The following ELAVL4 variants were observed in gnomAD, a reference collection of about 807,000 sequenced individuals.
ELAVL4 encodes ELAV like RNA binding protein 4.
ELAVL4 carries 1 observed loss-of-function variant against 35.6 expected under a neutral mutation model. The observed-to-expected ratio is 0.03, with a 90% CI of 0.01 to 0.13. ELAVL4 has a LOEUF of 0.13. Among genes scored for constraint, ELAVL4 ranks in the 10% least tolerant of loss-of-function variants. ELAVL4 has a pLI of 1.00. For synonymous variants in ELAVL4, 156 were observed against 171.0 expected (o/e 0.91, Z 0.69); for missense variants, 267 against 464.9 (o/e 0.57, Z 3.91).
At chr1:50,088,743 C>T (rs1172624902) in intron 1 of ELAVL4, among the ~76,000 whole-genome samples, 1 of 152,132 alleles carries the variant, frequency 6.6e-6, no homozygotes, top group African/African-American at 2.4e-5. Context: ...GATAGACAGG[C>T]TCCTTCAATC....
At chr1:50,096,798 C>A (rs1242772764) in intron 1 of ELAVL4, among the ~76,000 whole-genome samples, 1 of 151,998 alleles carries the variant, frequency 6.6e-6, no homozygotes, top group Non-Finnish European at 1.5e-5. Flanking sequence ...TATTGTTGTC[C>A]CCAGTTTAAA....
At chr1:50,184,716 CAG>C (rs1014452555) in intron 3 of ELAVL4, among the ~76,000 whole-genome samples, 2 of 152,110 alleles carry the variant, frequency 1.3e-5, no homozygotes, top group African/African-American at 4.8e-5. Flanking sequence ...GTGTAGCTAT[CAG>C]AGTAGAATGT....
intron 1 of ELAVL4, among the ~76,000 whole-genome samples, chr1:50,076,594 G>A (rs1053488229): frequency 5.3e-5 from 8 of 152,164 alleles, no homozygotes; most frequent in African/African-American, 1.9e-4. Flanking sequence ...TGTAGTGTGA[G>A]CAGGCTTGCA....
rs11205677 is a variant in ELAVL4, at chr1:50,066,102, A to G, written c.18+17920A>G. On this transcript the variant is annotated intron_variant, in intron 1 of 6. Transcript: ENST00000448907. ...TCTGCAAAGTCACATTGCAAAGGGC[A>G]TAGTTATAGGTAAAGATTGTGCTAG... 4.0e-3 allele frequency among the ~76,000 whole-genome samples: 608 copies of G among 152,290 alleles called. 9 individuals carry two copies. Among genetic ancestry groups the G allele is most frequent in the African/African-American group, 0.014 (573 of 41,572 alleles).
chr1:50,179,172 C>G (rs770295260), intron 3 of ELAVL4, among the ~76,000 whole-genome samples: 1 of 152,068 alleles, frequency 6.6e-6, no homozygotes, highest in South Asian at 2.1e-4. Context: ...TTTCCCCACC[C>G]CCTCACCCAC....
intron 1 of ELAVL4, among the ~76,000 whole-genome samples, chr1:50,053,856 G>T (rs1481707450): frequency 6.6e-6 from 1 of 152,188 alleles, no homozygotes; most frequent in Non-Finnish European, 1.5e-5. Flanking sequence ...GATAAAGAGG[G>T]ATAAGGATTC....
At position 50,062,093 on chromosome 1, in the gene ELAVL4, C is replaced by T. The variant is rs141924850; in HGVS notation, c.18+13911C>T. Reference sequence around the variant, plus strand: ...TTTAACCATTATGGTATGTTGCCTTCCCTTTCTGAAGTTCATGTTCATCCA... The same window carrying T: ...TTTAACCATTATGGTATGTTGCCTTTCCTTTCTGAAGTTCATGTTCATCCA... On this transcript the variant is annotated intron_variant, in intron 1 of 6. Transcript: ENST00000448907. Among the ~76,000 whole-genome samples the T allele has an allele frequency of 2.4e-3, 365 of 152,262 alleles. 4 individuals are homozygous for T. Among genetic ancestry groups the T allele is most frequent in the African/African-American group, 8.5e-3 (352 of 41,558 alleles).
chr1:50,074,521 C>T (rs968066417), intron 1 of ELAVL4, among the ~76,000 whole-genome samples: 57 of 152,084 alleles, frequency 3.7e-4, no homozygotes, highest in African/African-American at 1.3e-3. Flanking sequence ...ATTATATGTC[C>T]GGTTTTGTAT....
Position 50,195,626 on chromosome 1 carries a change from G to A in ELAVL4, c.574G>A (p.Gly192Arg), listed in dbSNP as rs1259386502. 3 of 1,614,046 alleles carry A rather than the reference G, an allele frequency of 1.9e-6. No homozygotes were observed. The Admixed American group carries it at 5.0e-5, about 27-fold the overall frequency. Residue 192 changes from glycine to arginine, a missense_variant, in exon 5 of 7, where the codon GGG becomes AGG. By Grantham distance (125) the Gly-to-Arg change is moderately radical. Around this residue, in one of 2 missense-constraint regions of ELAVL4, gnomAD observed 216 missense variants for 409.5 expected, o/e 0.53. Coordinates refer to ENST00000371824, the MANE Select transcript of ELAVL4 (RefSeq NM_001144774.3). The stretch of plus-strand genomic sequence containing the variant: ...GATTGAGGCAGAAGAAGCCATCAAA[G>A]GGCTGAATGGCCAGAAGCCCAGCGG... ...KRIEAEEAIK[G>R]LNGQKPSGAT...
chr1:50,081,257 A>G (rs995276539), intron 1 of ELAVL4, among the ~76,000 whole-genome samples: 1 of 152,226 alleles, frequency 6.6e-6, no homozygotes, highest in African/African-American at 2.4e-5. Flanking sequence ...GTGGCAAGGC[A>G]TGCCCCAAAC....
chr1:50,081,754 G>A (rs548284195), intron 1 of ELAVL4, among the ~76,000 whole-genome samples: 16 of 152,230 alleles, frequency 1.1e-4, no homozygotes, highest in Admixed American at 3.9e-4. Context: ...AGGTATACAC[G>A]TGCTATGGTG....
chr1:50,197,011 T>C lies in ELAVL4; in HGVS notation c.735-418T>C, dbSNP rs141367279. Among the ~76,000 whole-genome samples, 288 of 152,356 alleles carry C rather than the reference T, an allele frequency of 1.9e-3. 1 individual carries two copies. Among genetic ancestry groups the C allele is most frequent in the Middle Eastern group, 6.8e-3 (2 of 294 alleles). On this transcript the variant is annotated intron_variant, in intron 5 of 6. Transcript: ENST00000371824. Reference sequence around the variant, plus strand: ...AGCAAGGCTAACAGAAAAGATCTGTTCTGATACATATTGTGTGCCTGTGTA... The same window carrying C: ...AGCAAGGCTAACAGAAAAGATCTGTCCTGATACATATTGTGTGCCTGTGTA...
intron 1 of ELAVL4, among the ~76,000 whole-genome samples, chr1:50,077,306 G>C (rs1664806430): frequency 6.6e-6 from 1 of 152,208 alleles, no homozygotes; most frequent in African/African-American, 2.4e-5. Flanking sequence ...TATAGTTTTA[G>C]TACAGATGCT....
rs761603638 is a variant in ELAVL4, at chr1:50,108,920, G to C, written c.-270G>C. ...AATGGATGTAAAAAGGGGAAGCTTC[G>C]AGCCAATTTCAGCAAGGCTCTGTTC... On this transcript the variant is annotated 5_prime_UTR_variant, in exon 1 of 7. Transcript: ENST00000371824. The C allele has an allele frequency of 1.8e-6, 2 of 1,108,144 alleles. No individual in the cohort carries two copies. The highest frequency in any genetic ancestry group is 1.6e-5 in the African/African-American group (1 of 61,276). The allele number at this position is 1,108,144 out of a possible 1,614,324, so 68.6% of individuals were successfully genotyped here.
At chr1:50,116,413 CGTGTGT>C (rs753845198) in intron 1 of ELAVL4, among the ~76,000 whole-genome samples, 19 of 143,376 alleles carry the variant, frequency 1.3e-4, no homozygotes, top group South Asian at 6.6e-4. Flanking sequence ...TGTGTGTGTG[CGTGTGT>C]GTGTGTGTGT....
Position 50,202,128 on chromosome 1 carries a change from T to C in ELAVL4, c.*950T>C, listed in dbSNP as rs1213014642. On this transcript the variant is annotated 3_prime_UTR_variant, in exon 7 of 7. Transcript: ENST00000371824. ...GATCTTCATATCTTTTCATAGCATGTAATAATAATTAAAAAACAATTATTA... is the reference window on the plus strand; with the variant it reads ...GATCTTCATATCTTTTCATAGCATGCAATAATAATTAAAAAACAATTATTA... The C allele has an allele frequency of 6.6e-6, 1 of 152,130 alleles. No individual in the cohort carries two copies. The highest frequency in any genetic ancestry group is 1.5e-5 in the Non-Finnish European group (1 of 68,008). The allele number at this position is 152,130 out of a possible 1,614,324, so 9.4% of individuals were successfully genotyped here.
intron 1 of ELAVL4, among the ~76,000 whole-genome samples, chr1:50,048,386 A>T (rs1407438594): frequency 1.3e-5 from 2 of 152,108 alleles, no homozygotes; most frequent in African/African-American, 4.8e-5. Context: ...CCCCACCCGC[A>T]GCCCATCTGG....
At chr1:50,147,313 G>A (rs893581625) in intron 2 of ELAVL4, among the ~76,000 whole-genome samples, 3 of 152,200 alleles carry the variant, frequency 2.0e-5, no homozygotes, top group South Asian at 4.1e-4. Flanking sequence ...ACTTGTGGTT[G>A]TAAAGAGTGC....
At chr1:50,145,363 T>C (rs1219369593) in intron 2 of ELAVL4, among the ~76,000 whole-genome samples, 166 bp downstream of exon 2, 4 of 152,204 alleles carry the variant, frequency 2.6e-5, no homozygotes, top group South Asian at 2.1e-4. Context: ...TAAGACCTTA[T>C]TGTAGATTGG....
Sources: gnomAD v4.1 joint callset for allele counts (sites outside exome capture counted in the v4.1 genomes callset) on GRCh38, gnomAD v4.1.1 for gene constraint, gnomAD v4.1.1 regional missense constraint, MANE v1.5 for transcripts, NCBI Gene and HGNC (gene_info 2026-07-23, HGNC 2026-07-21) for gene names.